Variants in SYNJ2 observed in about 807,000 individuals in gnomAD.
SYNJ2 encodes the protein polyphosphatidylinositol phosphatase SYNJ2.
SYNJ2 carries 116 observed loss-of-function variants against 141.3 expected under a neutral mutation model. The ratio of observed to expected loss-of-function variants is 0.82; its 90% CI spans 0.71 to 0.96. The LOEUF is 0.96. Among genes scored for constraint, SYNJ2 ranks in the 40% least tolerant of loss-of-function variants. SYNJ2 has a pLI of 0.00. For missense variants in SYNJ2, 1,873 were observed against 1,934.8 expected (o/e 0.97, Z 0.60); for synonymous variants, 745 against 777.7 (o/e 0.96, Z 0.70).
At chr6:158,009,822 C>G (rs1269538225) in intron 1 of SYNJ2, among the ~76,000 whole-genome samples, 2 of 152,248 alleles carry the variant, frequency 1.3e-5, no homozygotes, top group East Asian at 3.8e-4. Flanking sequence ...CCTGGAAACA[C>G]TGCAGCCTGG....
chr6:158,072,933 C>T (rs530593829), intron 15 of SYNJ2, among the ~76,000 whole-genome samples: 1 of 151,586 alleles, frequency 6.6e-6, no homozygotes, highest in African/African-American at 2.4e-5. Flanking sequence ...ATTAGCCAGG[C>T]GTGGTGGCGT....
chr6:158,094,098 G>A (rs191875925), intron 26 of SYNJ2: 6 of 675,870 alleles, frequency 8.9e-6, no homozygotes, highest in East Asian at 2.5e-5. Context: ...TGTGAGGGGG[G>A]CTTCGGCTTC....
chr6:158,045,172 A>G (rs1583396168), intron 5 of SYNJ2, among the ~76,000 whole-genome samples: 1 of 144,192 alleles, frequency 6.9e-6, no homozygotes, highest in Admixed American at 7.1e-5. Context: ...CAGTGGTGCA[A>G]TCTCGGCTCA....
chr6:158,057,801 G>A (rs1178795053), intron 6 of SYNJ2, among the ~76,000 whole-genome samples: 4 of 152,234 alleles, frequency 2.6e-5, no homozygotes, highest in African/African-American at 9.6e-5. Context: ...GCCTGCACGT[G>A]TCAGAGCCAG....
At chr6:158,085,315 C>T (rs796492606) in intron 22 of SYNJ2, among the ~76,000 whole-genome samples, 17 of 152,292 alleles carry the variant, frequency 1.1e-4, no homozygotes, top group African/African-American at 4.1e-4. Flanking sequence ...GCCACTGCAC[C>T]TGGCCAGTAA....
rs1781949148 is a variant in SYNJ2 at position 158,071,870 on chromosome 6, G to A, written c.2133+76G>A. 6.6e-7 allele frequency: 1 copy of A among 1,513,724 alleles called. No individual in the cohort carries two copies. The highest frequency in any genetic ancestry group is 1.9e-5 in the Admixed American group (1 of 53,262). The allele number at this position is 1,513,724 out of a possible 1,614,324, so 93.8% of individuals were successfully genotyped here. A position where few individuals can be genotyped will look rare whatever the true frequency, so the allele number is the denominator to read the frequency against. ...AAATGTGACTGTTGATAGGAGCCAG[G>A]CACTGGGGACACAACCACAGGGAGG... On this transcript the variant is annotated intron_variant, in intron 15 of 26. Transcript: ENST00000355585. This position sits in a 1 kb window ranked among gnomAD's most constrained non-coding sequence, Gnocchi z 4.3.
chr6:158,038,704 A>G (rs920898333), intron 4 of SYNJ2, among the ~76,000 whole-genome samples: 2 of 152,188 alleles, frequency 1.3e-5, no homozygotes, highest in Admixed American at 1.3e-4. Context: ...CATGGGGGGC[A>G]GTGGTGGTGT....
Position 158,084,292 on chromosome 6 carries a change from G to C in SYNJ2, c.3208+118G>C, listed in dbSNP as rs1380061372. 5.7e-6 allele frequency: 7 copies of C among 1,222,376 alleles called. No individual in the cohort carries two copies. The highest frequency in any genetic ancestry group is 7.9e-6 in the Non-Finnish European group (7 of 883,330). The allele number at this position is 1,222,376 out of a possible 1,614,324, so 75.7% of individuals were successfully genotyped here. A position where few individuals can be genotyped will look rare whatever the true frequency, so the allele number is the denominator to read the frequency against. On this transcript the variant is annotated intron_variant, in intron 22 of 26. Coordinates refer to ENST00000355585, the MANE Select transcript of SYNJ2 (RefSeq NM_003898.4). This position sits in a 1 kb window ranked among gnomAD's most constrained non-coding sequence, Gnocchi z 5.0. ...TATCAAGTATGCAGGTCCCAGGAGA[G>C]ACCTCAACCAGGCAGGCCAAGCGAG...
At position 158,071,663 on chromosome 6, in the gene SYNJ2, G is replaced by A. The variant is rs755941692; in HGVS notation, c.2002G>A (p.Val668Ile). The A allele has an allele frequency of 4.8e-5, 77 of 1,613,998 alleles. No homozygotes were observed. The highest frequency in any genetic ancestry group is 5.5e-5 in the South Asian group (5 of 91,088). ...GGGCAAGGCGGGGAACAAGGGCGCC[G>A]TCGGCATCCGCTTCCAGTTCCACAG... is the stretch of plus-strand genomic sequence containing the variant. ...MGGKAGNKGAVGIRFQFHSTS... is the reference protein window; with the variant it reads ...MGGKAGNKGAIGIRFQFHSTS... The change falls in exon 15 of 27, where the codon GTC (valine) becomes ATC (isoleucine). Residue 668 changes from valine (V) to isoleucine (I), a missense_variant. Coordinates refer to ENST00000355585, the MANE Select transcript of SYNJ2 (RefSeq NM_003898.4). This position sits in a 1 kb window ranked among gnomAD's most constrained non-coding sequence, Gnocchi z 4.3.
At chr6:158,060,620 G>GT (rs1423542954) in intron 7 of SYNJ2, among the ~76,000 whole-genome samples, 1 of 152,152 alleles carries the variant, frequency 6.6e-6, no homozygotes, top group Non-Finnish European at 1.5e-5. Flanking sequence ...TTCCTGTTTG[G>GT]TTTGTTGCTA....
intron 1 of SYNJ2, among the ~76,000 whole-genome samples, chr6:158,013,032 T>A (rs567305659): frequency 2.0e-5 from 3 of 152,336 alleles, no homozygotes; most frequent in South Asian, 4.1e-4. Flanking sequence ...CACCGACCTC[T>A]TGAGATTCTG....
chr6:158,075,901 G>A (rs1782252835), intron 16 of SYNJ2, among the ~76,000 whole-genome samples: 2 of 152,148 alleles, frequency 1.3e-5, no homozygotes, highest in South Asian at 4.1e-4. Context: ...ATGGAAGCAA[G>A]GCCAATCCAA....
intron 1 of SYNJ2, among the ~76,000 whole-genome samples, chr6:158,010,005 C>CT (rs1562321276): frequency 1.3e-5 from 2 of 152,220 alleles, no homozygotes; most frequent in African/African-American, 2.4e-5. Flanking sequence ...CAGTCTTGAC[C>CT]TCCTGGGCTC....
chr6:158,059,217 GC>G, intron 6 of SYNJ2, 39 bp from the exon 7 acceptor site: 1 of 1,511,160 alleles, frequency 6.6e-7, no homozygotes, highest in Non-Finnish European at 8.9e-7. Flanking sequence ...CTGCACCTGT[GC>G]CCGTGCCCAG....
intron 5 of SYNJ2, among the ~76,000 whole-genome samples, chr6:158,045,942 C>CTCGTT (rs1554242878): frequency 6.6e-6 from 1 of 151,632 alleles, no homozygotes; most frequent in Non-Finnish European, 1.5e-5. Flanking sequence ...CTTTTTGTTT[C>CTCGTT]TTGTTTTGTT....
rs982632767 is a variant in SYNJ2, at chr6:158,084,807, G to A, written c.3208+633G>A. Among the ~76,000 whole-genome samples the A allele has an allele frequency of 1.3e-4, 19 of 151,770 alleles. No individual in the cohort carries two copies. The highest frequency in any genetic ancestry group is 7.9e-4 in the Admixed American group (12 of 15,224). On this transcript the variant is annotated intron_variant, in intron 22 of 26. Transcript: ENST00000355585. The surrounding 1 kb of genome is among the most constrained non-coding windows in gnomAD (Gnocchi z 5.0). ...AGCTTGGGTGACAAAGTGAGATTCC[G>A]TCTCAAAACAACAACAACAAAAAAA...
upstream of SYNJ2, chr6:157,981,744 G>C (rs551589043): frequency 1.2e-5 from 4 of 337,094 alleles, no homozygotes; most frequent in South Asian, 2.7e-4. The surrounding 1 kb of genome is among the most constrained non-coding windows in gnomAD (Gnocchi z 6.4). Context: ...GCGCGGGGCC[G>C]GGCGGGAGGC....
chr6:157,981,894 G>C lies in SYNJ2; in HGVS notation c.-68G>C, dbSNP rs1583268694. The C allele has an allele frequency of 1.7e-6, 2 of 1,202,780 alleles. No individual in the cohort carries two copies. The highest frequency in any genetic ancestry group is 3.1e-5 in the African/African-American group (2 of 63,586). The allele number at this position is 1,202,780 out of a possible 1,614,324, so 74.5% of individuals were successfully genotyped here. ...CTGGCAAGTTGCGGGCGCGCGGGGA[G>C]CTGTCGCGGGCAGCGCGCCCTCGGG... On this transcript the variant is annotated 5_prime_UTR_variant, in exon 1 of 27. Coordinates refer to ENST00000355585, the MANE Select transcript of SYNJ2 (RefSeq NM_003898.4). The surrounding 1 kb of genome is among the most constrained non-coding windows in gnomAD (Gnocchi z 6.4).
intron 16 of SYNJ2, among the ~76,000 whole-genome samples, chr6:158,076,414 C>T (rs1011236565): frequency 1.3e-5 from 2 of 151,950 alleles, no homozygotes; most frequent in African/African-American, 4.8e-5. Flanking sequence ...GAGATAGATA[C>T]GAGGGCGGTG....
Sources: gnomAD v4.1 joint callset for allele counts (sites outside exome capture counted in the v4.1 genomes callset) on GRCh38, gnomAD v4.1.1 for gene constraint, Gnocchi (gnomAD v3.1) non-coding constraint, MANE v1.5 for transcripts, NCBI Gene and HGNC (gene_info 2026-07-23, HGNC 2026-07-21) for gene names.